Variants in DNM3 observed in about 807,000 individuals in gnomAD.
DNM3 encodes the protein dynamin-3.
Under a neutral mutation model 101.6 loss-of-function variants are expected in DNM3, and 47 were observed. The observed-to-expected ratio is 0.46, with a 90% CI of 0.37 to 0.59. DNM3 has a LOEUF of 0.59. Ranked by LOEUF, DNM3 falls within the 20% of genes least tolerant of loss-of-function variation. The probability of loss-of-function intolerance (pLI) is 0.00; values close to 1 mark genes in which losing one functional copy is unlikely to be tolerated. For missense variants in DNM3, 849 were observed against 1,085.7 expected (o/e 0.78, Z 3.06); for synonymous variants, 385 against 387.9 (o/e 0.99, Z 0.09).
chr1:171,911,803 AAGT>A lies in DNM3; in HGVS notation c.162-9944_162-9942del, dbSNP rs1400106733. On this transcript the variant is annotated intron_variant, in intron 1 of 20. Coordinates refer to ENST00000627582, the MANE Select transcript of DNM3 (RefSeq NM_015569.5). ...ACCAGAACTGCCCTGGTCAGCGGGT[AAGT>A]GTTCTCTTGCTGTTGCTTCTTCTCA... Among the ~76,000 whole-genome samples the A allele has an allele frequency of 1.1e-4, 16 of 152,196 alleles. No homozygotes were observed. In the South Asian group the frequency reaches 3.3e-3, roughly 32 times the overall value.
intron 4 of DNM3, among the ~76,000 whole-genome samples, chr1:172,025,733 T>C (rs1009458959): frequency 1.3e-5 from 2 of 152,018 alleles, no homozygotes; most frequent in Non-Finnish European, 2.9e-5. Flanking sequence ...GAAGGAAAAC[T>C]AACAAATCAG....
intron 2 of DNM3, among the ~76,000 whole-genome samples, chr1:171,944,838 TTTTTTTTTGGTGTTTCC>T (rs2042053775): frequency 1.4e-5 from 2 of 148,004 alleles, no homozygotes; most frequent in Non-Finnish European, 3.0e-5. Flanking sequence ...TTTTGTTTTC[TTTTTTTTTGGTGTTTCC>T]TTTTTTTTTT....
rs1343098972 is a variant in DNM3 at position 171,944,382 on chromosome 1, T to TTTAC, written c.235+22563_235+22564insACTT. Among the ~76,000 whole-genome samples, 130 of 150,456 alleles carry TTTAC rather than the reference T, an allele frequency of 8.6e-4. 1 individual carries two copies. Among genetic ancestry groups the TTTAC allele is most frequent in the African/African-American group, 3.2e-3 (128 of 40,296 alleles). ...ATTTATTTATTTATTTATTTATTTA[T>TTTAC]TTGTTTATTTATAGATGGGGTCTCA... On this transcript the variant is annotated intron_variant, in intron 2 of 20. Transcript: ENST00000627582.
chr1:172,051,849 A>G (rs746635924), intron 10 of DNM3, among the ~76,000 whole-genome samples: 15 of 152,148 alleles, frequency 9.9e-5, no homozygotes, highest in African/African-American at 4.8e-5. Context: ...TAACTTTGCC[A>G]CCTGTTGAAA....
chr1:171,911,804 A>G (rs546165458), intron 1 of DNM3, among the ~76,000 whole-genome samples: 28 of 151,930 alleles, frequency 1.8e-4, no homozygotes, highest in Non-Finnish European at 3.2e-4. Flanking sequence ...TCAGCGGGTA[A>G]GTGTTCTCTT....
At chr1:171,900,443 A>G (rs1302115201) in intron 1 of DNM3, among the ~76,000 whole-genome samples, 1 of 152,128 alleles carries the variant, frequency 6.6e-6, no homozygotes, top group Non-Finnish European at 1.5e-5. Context: ...GGAGGCAAGG[A>G]GTTGGAGGAA....
chr1:172,289,947 A>G (rs1573314504), intron 15 of DNM3: 1 of 939,066 alleles, frequency 1.1e-6, no homozygotes, highest in Non-Finnish European at 1.3e-6. Context: ...TGTAAGGTAA[A>G]AGACAATTTA....
chr1:171,856,615 A>G (rs988371124), intron 1 of DNM3, among the ~76,000 whole-genome samples: 3 of 151,864 alleles, frequency 2.0e-5, no homozygotes, highest in Non-Finnish European at 4.4e-5. Context: ...GTTCCTAGGT[A>G]TTTTATTCTT....
chr1:172,123,645 G>A (rs563406946), intron 13 of DNM3, among the ~76,000 whole-genome samples: 2 of 152,284 alleles, frequency 1.3e-5, no homozygotes, highest in East Asian at 3.9e-4. Flanking sequence ...GGCAAGAATG[G>A]CAGAAAGATA....
intron 4 of DNM3, among the ~76,000 whole-genome samples, chr1:172,031,012 G>A (rs1162219613): frequency 5.9e-5 from 9 of 152,260 alleles, no homozygotes; most frequent in African/African-American, 1.9e-4. Context: ...CAAGGATCTA[G>A]AACCAGAAAT....
chr1:172,154,415 A>G (rs529444282), intron 14 of DNM3, among the ~76,000 whole-genome samples: 73 of 152,094 alleles, frequency 4.8e-4, no homozygotes, highest in Non-Finnish European at 8.8e-4. Context: ...AATGCTACAG[A>G]TGCCATCTGA....
At chr1:171,870,256 CAT>C (rs144909543) in intron 1 of DNM3, among the ~76,000 whole-genome samples, 11,880 of 152,086 alleles carry the variant, frequency 0.078, 691 homozygotes, top group South Asian at 0.23. Flanking sequence ...ATTGGGGTAA[CAT>C]ATGATTTTTA....
intron 12 of DNM3, among the ~76,000 whole-genome samples, chr1:172,082,290 T>C (rs2053212885): frequency 6.6e-6 from 1 of 152,172 alleles, no homozygotes; most frequent in Admixed American, 6.5e-5. Flanking sequence ...GGATGAAAGA[T>C]GTTTCAACTT....
chr1:172,380,972 A>G lies in DNM3; in HGVS notation c.2058+1790A>G, dbSNP rs540474622. 303 of 150,858 alleles carry G rather than the reference A, an allele frequency of 2.0e-3. 1 individual carries two copies. The highest frequency in any genetic ancestry group is 6.8e-3 in the African/African-American group (280 of 41,052). 9.3% of individuals were successfully genotyped at this position (150,858 alleles called of 1,614,324 possible). A position where few individuals can be genotyped will look rare whatever the true frequency, so the allele number is the denominator to read the frequency against. On this transcript the variant is annotated intron_variant, in intron 18 of 20. Transcript: ENST00000627582. ...TGTGAGGAGTAGCTTGACACAAATT[A>G]GCTAAAAGGAAAAAAAAAAAAAACA...
chr1:172,118,408 T>C (rs1375118280), intron 13 of DNM3, among the ~76,000 whole-genome samples: 1 of 152,236 alleles, frequency 6.6e-6, no homozygotes, highest in Non-Finnish European at 1.5e-5. Context: ...ATTGACAAAT[T>C]GCTCTATAGC....
intron 14 of DNM3, among the ~76,000 whole-genome samples, chr1:172,249,281 G>C (rs753265416): frequency 6.6e-6 from 1 of 152,040 alleles, no homozygotes; most frequent in Non-Finnish European, 1.5e-5. Flanking sequence ...CAAGGTCAGC[G>C]AGCACATACT....
chr1:171,884,809 T>C (rs2036618954), intron 1 of DNM3, among the ~76,000 whole-genome samples: 1 of 152,228 alleles, frequency 6.6e-6, no homozygotes, highest in Non-Finnish European at 1.5e-5. Flanking sequence ...TTCAAATTTC[T>C]GCTTCTGATA....
At chr1:172,317,897 A>G (rs1289824114) in intron 16 of DNM3, among the ~76,000 whole-genome samples, 1 of 152,262 alleles carries the variant, frequency 6.6e-6, no homozygotes, top group Non-Finnish European at 1.5e-5. Context: ...TGAGGCCAGC[A>G]TCATCCTGAT....
intron 20 of DNM3, among the ~76,000 whole-genome samples, chr1:172,391,555 G>A (rs61806091): frequency 0.13 from 20,331 of 152,134 alleles, 1,627 homozygotes; most frequent in Non-Finnish European, 0.18. Flanking sequence ...ATTGAGAGAA[G>A]CGCTTGTTGA....
Sources: allele counts gnomAD v4.1 joint callset (sites outside exome capture counted in the v4.1 genomes callset), GRCh38; gene constraint gnomAD v4.1.1; transcripts MANE v1.5; gene names NCBI Gene and HGNC (gene_info 2026-07-23, HGNC 2026-07-21).